Variants in PBX1 observed in about 807,000 individuals in gnomAD.
PBX1 encodes the protein PBX homeobox 1.
In PBX1, 6 loss-of-function variants were observed where a neutral mutation model predicts 53.4. The observed-to-expected ratio is 0.11, with a 90% confidence interval of 0.06 to 0.22. PBX1 has a LOEUF of 0.22. Ranked by LOEUF, PBX1 falls within the 10% of genes least tolerant of loss-of-function variation. PBX1 has a pLI of 1.00. For missense variants in PBX1, 251 were observed against 551.4 expected, an observed-to-expected ratio of 0.46 and a Z score of 5.46; for synonymous variants, 204 against 212.3, an observed-to-expected ratio of 0.96 and a Z score of 0.34.
chr1:164,873,579 A>T (rs1112871), intron 2 of PBX1, among the ~76,000 whole-genome samples: 61,809 of 151,958 alleles, frequency 0.41, 12,803 homozygotes, highest in Middle Eastern at 0.51. Context: ...TTCTTATTTA[A>T]CTTATTTGGT....
intron 2 of PBX1, among the ~76,000 whole-genome samples, chr1:164,679,539 C>A (rs928782950): frequency 6.6e-6 from 1 of 152,144 alleles, no homozygotes; most frequent in African/African-American, 2.4e-5. Flanking sequence ...TTTCGTTTGA[C>A]CTTTTTATTT....
intron 2 of PBX1, among the ~76,000 whole-genome samples, chr1:164,771,802 G>A (rs963394106): frequency 5.3e-5 from 8 of 152,104 alleles, no homozygotes; most frequent in African/African-American, 1.9e-4. Flanking sequence ...GTAGGGCAGG[G>A]CAACTTATTG....
At chr1:164,794,440 T>C (rs1668688081) in intron 3 of PBX1, among the ~76,000 whole-genome samples, 1 of 152,204 alleles carries the variant, frequency 6.6e-6, no homozygotes, top group Admixed American at 6.5e-5. Context: ...TAGTGAAATT[T>C]GACCATCAGA....
downstream of PBX1, among the ~76,000 whole-genome samples, chr1:164,852,789 A>G (rs927021663): frequency 6.6e-6 from 1 of 152,208 alleles, no homozygotes; most frequent in Non-Finnish European, 1.5e-5. Flanking sequence ...ATTGGCCTCC[A>G]AAGTTTACAG....
intron 1 of PBX1, among the ~76,000 whole-genome samples, chr1:164,560,843 C>T (rs989476544): frequency 2.6e-5 from 4 of 152,122 alleles, no homozygotes; most frequent in Non-Finnish European, 5.9e-5. Context: ...CTCTTTTCCC[C>T]CATGCTTCTT....
At chr1:164,691,504 A>G (rs1057306031) in intron 2 of PBX1, among the ~76,000 whole-genome samples, 4 of 152,138 alleles carry the variant, frequency 2.6e-5, no homozygotes, top group Non-Finnish European at 5.9e-5. Flanking sequence ...CTCCAGCTCT[A>G]TCACTTCCAG....
chr1:164,715,290 T>C (rs1161076481), intron 2 of PBX1, among the ~76,000 whole-genome samples: 1 of 152,252 alleles, frequency 6.6e-6, no homozygotes, highest in Non-Finnish European at 1.5e-5. Context: ...ATGATGATGA[T>C]GTCTTTGGTA....
intron 2 of PBX1, among the ~76,000 whole-genome samples, chr1:164,685,659 A>G (rs1048817013): frequency 6.6e-6 from 1 of 152,236 alleles, no homozygotes; most frequent in African/African-American, 2.4e-5. Context: ...ACTTTTATAC[A>G]CATTTTTACA....
chr1:164,776,974 A>AGAGAGATGG (rs1667697239), intron 2 of PBX1, among the ~76,000 whole-genome samples: 1 of 77,838 alleles, frequency 1.3e-5, no homozygotes, highest in Admixed American at 1.7e-4. Flanking sequence ...AGAGAGAGAG[A>AGAGAGATGG]GAGAGGAGGT....
chr1:164,630,742 T>C (rs1381527987), intron 2 of PBX1, among the ~76,000 whole-genome samples: 1 of 152,208 alleles, frequency 6.6e-6, no homozygotes, highest in African/African-American at 2.4e-5. Context: ...CCCATACTCT[T>C]TCCTCTGAGT....
intron 2 of PBX1, chr1:164,680,625 G>A (rs1197525915): frequency 1.3e-5 from 2 of 152,148 alleles, no homozygotes; most frequent in African/African-American, 2.4e-5. Context: ...TCTTAAAGGA[G>A]CCTTCAGGAT....
intron 4 of PBX1, among the ~76,000 whole-genome samples, chr1:164,802,669 C>A (rs1011907898): frequency 1.3e-5 from 2 of 152,158 alleles, no homozygotes; most frequent in African/African-American, 4.8e-5. Flanking sequence ...CCTCAACTAA[C>A]CTTTCGGCCC....
rs10665357 is a variant in PBX1, at chr1:164,750,145, G to GGTGTGTGTGTGT, written c.266-42322_266-42311dup. 1.3e-3 allele frequency among the ~76,000 whole-genome samples: 179 copies of GGTGTGTGTGTGT among 140,842 alleles called. 1 individual carries two copies. Among genetic ancestry groups the GGTGTGTGTGTGT allele is most frequent in the African/African-American group, 4.4e-3 (165 of 37,676 alleles). 92.4% of individuals were successfully genotyped at this position (140,842 alleles called of 152,430 possible). A position where few individuals can be genotyped will look rare whatever the true frequency, so the allele number is the denominator to read the frequency against. ...AGAGCTTTCAAACTGGGGGCTAGTT[G>GGTGTGTGTGTGT]GTGTGTGTGTGTGTGTGTGTGTGTG... On this transcript the variant is annotated intron_variant, in intron 2 of 8. Coordinates refer to ENST00000420696, the MANE Select transcript of PBX1 (RefSeq NM_002585.4).
intron 8 of PBX1, among the ~76,000 whole-genome samples, chr1:164,834,127 G>A (rs977635305): frequency 6.1e-5 from 9 of 148,632 alleles, no homozygotes; most frequent in African/African-American, 2.2e-4. Flanking sequence ...TTTCTTTGGG[G>A]CAGCTGTTAT....
rs1652852937 is a variant in PBX1, at chr1:164,559,457, A to AT, written c.-363dup. The AT allele has an allele frequency of 3.8e-6, 1 of 263,328 alleles. No homozygotes were observed. The highest frequency in any genetic ancestry group is 7.2e-6 in the Non-Finnish European group (1 of 139,582). The allele number at this position is 263,328 out of a possible 1,614,324, so 16.3% of individuals were successfully genotyped here. ...CCACAGATTTAAGCGCCGGGAGCCC[A>AT]TTTCTGCCTTGCAAAGGAGACCGGA... On this transcript the variant is annotated 5_prime_UTR_variant, in exon 1 of 9. Coordinates refer to ENST00000420696, the MANE Select transcript of PBX1 (RefSeq NM_002585.4).
At chr1:164,851,872 A>C (rs1671857763), downstream of PBX1, 1 of 163,120 alleles carries the variant, frequency 6.1e-6, no homozygotes, top group African/African-American at 2.4e-5. Context: ...CATGCTGGCA[A>C]CTTCTCTTTC....
chr1:164,811,431 TAGTC>T (rs1208056062), intron 5 of PBX1, among the ~76,000 whole-genome samples: 1 of 152,226 alleles, frequency 6.6e-6, no homozygotes, highest in Non-Finnish European at 1.5e-5. Context: ...TTACACAAAA[TAGTC>T]AGTGAAATCT....
chr1:164,593,862 G>C (rs1420727820), intron 2 of PBX1, among the ~76,000 whole-genome samples: 2 of 152,048 alleles, frequency 1.3e-5, no homozygotes, highest in Admixed American at 6.5e-5. Flanking sequence ...TTGCTCTCGA[G>C]AGATTGAGCT....
chr1:164,688,729 C>T (rs977399024), intron 2 of PBX1, among the ~76,000 whole-genome samples: 2 of 152,192 alleles, frequency 1.3e-5, no homozygotes, highest in South Asian at 2.1e-4. Flanking sequence ...ATCTCCCCTT[C>T]TAGGAGATTT....
Sources: allele counts gnomAD v4.1 joint callset (sites outside exome capture counted in the v4.1 genomes callset), GRCh38; gene constraint gnomAD v4.1.1; transcripts MANE v1.5; gene names NCBI Gene and HGNC (gene_info 2026-07-23, HGNC 2026-07-21).